The following CPXM2 variants were observed in gnomAD, a reference collection of about 807,000 sequenced individuals.
CPXM2 encodes the protein inactive carboxypeptidase-like protein X2.
Under a neutral mutation model 86.1 loss-of-function variants are expected in CPXM2, and 66 were observed. The observed-to-expected ratio is 0.77, with a 90% confidence interval of 0.63 to 0.94. CPXM2 has a LOEUF of 0.94. Ranked by LOEUF, CPXM2 falls within the 40% of genes least tolerant of loss-of-function variation. The pLI is 0.00. For missense variants in CPXM2, 948 were observed against 1,026.3 expected, an observed-to-expected ratio of 0.92 and a Z score of 1.04; for synonymous variants, 388 against 400.2, an observed-to-expected ratio of 0.97 and a Z score of 0.36.
intron 9 of CPXM2, among the ~76,000 whole-genome samples, chr10:123,767,760 G>A (rs1356983242): frequency 6.6e-6 from 1 of 151,988 alleles, no homozygotes; most frequent in African/African-American, 2.4e-5. Context: ...CATATTCTAT[G>A]CACACCTATA....
chr10:123,939,705 G>T (rs891625985), intron 1 of CPXM2, among the ~76,000 whole-genome samples: 1 of 152,138 alleles, frequency 6.6e-6, no homozygotes, highest in African/African-American at 2.4e-5. Flanking sequence ...GAGGCTGTCT[G>T]GATGTGACTT....
rs200858781 is a variant in CPXM2, at chr10:123,800,349, TCGATCACACAC to T, written c.654-1161_654-1151del. On this transcript the variant is annotated intron_variant, in intron 4 of 13. Transcript: ENST00000241305. ...TCTGAATACCCGTTAGAAGCCAGAATCGATCACACACCACATTCCTCCTCTGAGAGTCACCA... is the reference window on the plus strand; with the variant it reads ...TCTGAATACCCGTTAGAAGCCAGAATCACATTCCTCCTCTGAGAGTCACCA... 4.6e-3 allele frequency among the ~76,000 whole-genome samples: 706 copies of T among 152,264 alleles called. 9 individuals are homozygous for T. The highest frequency in any genetic ancestry group is 4.7e-3 in the Non-Finnish European group (318 of 68,020).
chr10:123,762,537 T>C (rs990891544), intron 10 of CPXM2, among the ~76,000 whole-genome samples: 5 of 152,168 alleles, frequency 3.3e-5, no homozygotes, highest in African/African-American at 1.2e-4. Flanking sequence ...CTGAAATCTT[T>C]ACAAAGGAAA....
intron 2 of CPXM2, among the ~76,000 whole-genome samples, chr10:123,910,876 G>A (rs79770128): frequency 0.019 from 2,883 of 152,246 alleles, 28 homozygotes; most frequent in East Asian, 0.047. Context: ...CAGGTCTGGT[G>A]GCCCCAGGTG....
In CPXM2 at chr10:123,925,816, TCTA is replaced by T. The variant is rs1241397647; in HGVS notation, n.174+13658_174+13660del. Among the ~76,000 whole-genome samples, 4 of 152,206 alleles carry T rather than the reference TCTA, an allele frequency of 2.6e-5. No individual in the cohort carries two copies. The East Asian group carries it at 7.7e-4, about 29-fold the overall frequency. ...AACCTACTAAGTGTCAAGGCTCTGTTCTAGAAACAACAGAGCAATGAGCAAATT... is the reference window on the plus strand; with the variant it reads ...AACCTACTAAGTGTCAAGGCTCTGTTGAAACAACAGAGCAATGAGCAAATT... On this transcript the variant is annotated intron_variant and non_coding_transcript_variant, in intron 2 of 19. Coordinates refer to the CPXM2 transcript ENST00000368854.
intron 6 of CPXM2, among the ~76,000 whole-genome samples, chr10:123,797,606 G>GTCTCACTCCAT (rs33953133): frequency 4.0e-5 from 6 of 151,484 alleles, no homozygotes. Context: ...TTGAGACAGG[G>GTCTCACTCCAT]TGGAGTGTAG....
intron 4 of CPXM2, among the ~76,000 whole-genome samples, chr10:123,826,922 A>C (rs1416833243): frequency 1.3e-5 from 2 of 152,210 alleles, no homozygotes; most frequent in African/African-American, 4.8e-5. Context: ...TAATGAAAAA[A>C]ATTATAGAAA....
intron 4 of CPXM2, among the ~76,000 whole-genome samples, chr10:123,826,999 TATC>T (rs1283458177): frequency 6.6e-6 from 1 of 152,178 alleles, no homozygotes; most frequent in East Asian, 1.9e-4. Flanking sequence ...GGAAACTAAA[TATC>T]ATAATTAATA....
chr10:123,791,458 T>C (rs982920619), intron 6 of CPXM2, among the ~76,000 whole-genome samples: 12 of 152,280 alleles, frequency 7.9e-5, no homozygotes, highest in African/African-American at 2.6e-4. Flanking sequence ...AGCAGGGCCG[T>C]GGTCTCTCTA....
intron 2 of CPXM2, among the ~76,000 whole-genome samples, chr10:123,914,799 C>T (rs1375721600): frequency 6.6e-6 from 1 of 152,194 alleles, no homozygotes; most frequent in Non-Finnish European, 1.5e-5. Flanking sequence ...ATTTGCTTAT[C>T]AGCCTCCTGA....
intron 2 of CPXM2, 95 bp from the exon 3 acceptor site, chr10:123,862,818 C>A (rs1564803308): frequency 6.0e-6 from 6 of 995,100 alleles, no homozygotes; most frequent in African/African-American, 1.6e-5. Context: ...TTCCATTTTC[C>A]CCTGAACTCC....
chr10:123,914,865 C>T (rs1356161963), intron 2 of CPXM2, among the ~76,000 whole-genome samples: 1 of 152,192 alleles, frequency 6.6e-6, no homozygotes, highest in African/African-American at 2.4e-5. Flanking sequence ...TAACGGCCTC[C>T]TAACTAGTCC....
At chr10:123,831,793 T>C (rs1361237455) in intron 4 of CPXM2, among the ~76,000 whole-genome samples, 1 of 152,082 alleles carries the variant, frequency 6.6e-6, no homozygotes, top group Non-Finnish European at 1.5e-5. Context: ...ACATTGGGCC[T>C]ACCCAGATCA....
At chr10:123,872,179 T>C (rs1416338018) in intron 2 of CPXM2, among the ~76,000 whole-genome samples, 4 of 152,210 alleles carry the variant, frequency 2.6e-5, no homozygotes, top group Admixed American at 1.3e-4. Flanking sequence ...GCAATTCTTA[T>C]AGGTATACAT....
chr10:123,820,058 G>C, intron 4 of CPXM2, among the ~76,000 whole-genome samples: 1 of 152,260 alleles, frequency 6.6e-6, no homozygotes, highest in South Asian at 2.1e-4. Flanking sequence ...GATGCTCCCT[G>C]CCCTCGAACA....
intron 7 of CPXM2, among the ~76,000 whole-genome samples, chr10:123,773,046 TC>T (rs1846686056): frequency 1.3e-5 from 2 of 151,494 alleles, no homozygotes; most frequent in Non-Finnish European, 2.9e-5. Flanking sequence ...TGGTCATCAT[TC>T]CCCTGGTTGT....
chr10:123,830,532 A>G (rs1042064287), intron 4 of CPXM2, among the ~76,000 whole-genome samples: 1 of 152,118 alleles, frequency 6.6e-6, no homozygotes, highest in Non-Finnish European at 1.5e-5. Context: ...GGAAAGCACT[A>G]TTAAATCCCT....
At chr10:123,880,145 T>TTGGGGCCCCCCC in intron 2 of CPXM2, 66 bp downstream of exon 2, 8 of 407,578 alleles carry the variant, frequency 2.0e-5, no homozygotes, top group East Asian at 4.9e-5. Context: ...CAGGGGCCTG[T>TTGGGGCCCCCCC]ACCCACCCAC....
At chr10:123,751,056 C>T (rs1263438640) in intron 13 of CPXM2, 1 of 985,290 alleles carries the variant, frequency 1.0e-6, no homozygotes, top group East Asian at 1.1e-4. Context: ...TAATGGGCAT[C>T]CCGGGCATTC....
Sources: allele counts gnomAD v4.1 joint callset (sites outside exome capture counted in the v4.1 genomes callset), GRCh38; gene constraint gnomAD v4.1.1; transcripts MANE v1.5; gene names NCBI Gene and HGNC (gene_info 2026-07-23, HGNC 2026-07-21).